Variants in PTPRT observed in about 807,000 individuals in gnomAD.
PTPRT encodes receptor-type tyrosine-protein phosphatase T.
In PTPRT, 56 loss-of-function variants were observed where a neutral mutation model predicts 176.8. That is an observed-to-expected ratio of 0.32 (90% CI 0.26 to 0.40). The LOEUF (loss-of-function observed/expected upper bound fraction) is 0.40. Ranked by LOEUF, PTPRT falls within the 10% of genes least tolerant of loss-of-function variation. PTPRT has a pLI of 1.00. For synonymous variants in PTPRT, 783 were observed against 739.0 expected (o/e 1.06, Z -0.96); for missense variants, 1,540 against 1,908.2 (o/e 0.81, Z 3.60).
At position 42,762,146 on chromosome 20, in the gene PTPRT, C is replaced by T. The variant is rs374634744; in HGVS notation, c.685-5510G>A. 4.2e-4 allele frequency among the ~76,000 whole-genome samples: 64 copies of T among 152,258 alleles called. 3 individuals carry two copies. The highest frequency in any genetic ancestry group is 2.9e-3 in the East Asian group (15 of 5,180). On this transcript the variant is annotated intron_variant, in intron 5 of 30. Coordinates refer to ENST00000373187, the MANE Select transcript of PTPRT (RefSeq NM_007050.6). The stretch of plus-strand genomic sequence containing the variant: ...ATGTAAGAAGGAACAGAGTATCTTC[C>T]TATATTCTTGGCCATCAGATTCTTT...
intron 1 of PTPRT, among the ~76,000 whole-genome samples, chr20:42,947,856 C>T (rs538719643): frequency 8.7e-4 from 133 of 152,244 alleles, no homozygotes; most frequent in Non-Finnish European, 1.6e-3. Context: ...AATCTAATGA[C>T]CACTCCTTCA....
At chr20:42,062,064 A>T in the PTPRT span, among the ~76,000 whole-genome samples, 1 of 152,142 alleles carries the variant, frequency 6.6e-6, no homozygotes, top group Non-Finnish European at 1.5e-5. Flanking sequence ...GATGATGTTG[A>T]TATCCCCTAC....
chr20:42,714,048 C>T (rs949283157), intron 6 of PTPRT, among the ~76,000 whole-genome samples: 1 of 152,166 alleles, frequency 6.6e-6, no homozygotes, highest in Non-Finnish European at 1.5e-5. Flanking sequence ...TAAGACAACA[C>T]GGAAAGAAGT....
intron 16 of PTPRT, among the ~76,000 whole-genome samples, chr20:42,166,376 T>C (rs1989825146): frequency 6.6e-6 from 1 of 152,336 alleles, no homozygotes; most frequent in African/African-American, 2.4e-5. Flanking sequence ...ATGTGCCTAC[T>C]GGTGCTGAGG....
chr20:42,498,046 T>C (rs913679732), intron 7 of PTPRT, among the ~76,000 whole-genome samples: 2 of 152,166 alleles, frequency 1.3e-5, no homozygotes, highest in African/African-American at 4.8e-5. Flanking sequence ...GCATCACTAG[T>C]GGTACTTTGT....
At chr20:42,223,288 T>C (rs1241653653) in intron 15 of PTPRT, among the ~76,000 whole-genome samples, 2 of 152,242 alleles carry the variant, frequency 1.3e-5, no homozygotes, top group African/African-American at 2.4e-5. Context: ...TATCTTATGC[T>C]GTCCTGGTAA....
At chr20:42,940,463 C>T (rs980455980) in intron 1 of PTPRT, among the ~76,000 whole-genome samples, 1 of 152,016 alleles carries the variant, frequency 6.6e-6, no homozygotes, top group African/African-American at 2.4e-5. Flanking sequence ...AGAAAAGCAA[C>T]ATGAAAGGGT....
At chr20:42,993,694 C>T (rs908529518) in intron 1 of PTPRT, among the ~76,000 whole-genome samples, 1 of 151,698 alleles carries the variant, frequency 6.6e-6, no homozygotes, top group African/African-American at 2.4e-5. Flanking sequence ...TGCTCACACA[C>T]TCCTTGGACC....
At chr20:42,816,022 GA>G (rs1424497986) in intron 2 of PTPRT, among the ~76,000 whole-genome samples, 6 of 152,028 alleles carry the variant, frequency 3.9e-5, no homozygotes, top group African/African-American at 1.2e-4. Flanking sequence ...GAGTCTGGAG[GA>G]AACTTTCAGG....
intron 9 of PTPRT, among the ~76,000 whole-genome samples, chr20:42,387,189 T>A (rs868194938): frequency 2.4e-4 from 37 of 152,348 alleles, no homozygotes; most frequent in African/African-American, 8.4e-4. Context: ...GCGGTACCTA[T>A]AAATATCATT....
chr20:42,621,282 C>G (rs926141467), intron 7 of PTPRT, among the ~76,000 whole-genome samples: 6 of 152,218 alleles, frequency 3.9e-5, no homozygotes, highest in Non-Finnish European at 7.3e-5. Context: ...TCTTCAACCT[C>G]CCCATCTCCA....
chr20:42,871,702 T>C (rs1424655971), intron 2 of PTPRT, among the ~76,000 whole-genome samples: 1 of 152,174 alleles, frequency 6.6e-6, no homozygotes, highest in Non-Finnish European at 1.5e-5. Flanking sequence ...TTCAATTTAC[T>C]AAATGCCATT....
intron 6 of PTPRT, among the ~76,000 whole-genome samples, chr20:42,713,271 T>C (rs1331271624): frequency 6.6e-6 from 1 of 152,160 alleles, no homozygotes; most frequent in Non-Finnish European, 1.5e-5. Flanking sequence ...TTTTTCTTTC[T>C]TTTGATTTTT....
intron 2 of PTPRT, among the ~76,000 whole-genome samples, chr20:42,802,233 G>T (rs964016625): frequency 6.6e-6 from 1 of 152,174 alleles, no homozygotes; most frequent in African/African-American, 2.4e-5. Flanking sequence ...TGGACTAGCT[G>T]GTCTCTAATT....
At chr20:42,690,692 A>G (rs1569087100) in intron 6 of PTPRT, among the ~76,000 whole-genome samples, 1 of 152,204 alleles carries the variant, frequency 6.6e-6, no homozygotes, top group Admixed American at 6.5e-5. Flanking sequence ...GCATTTTCAT[A>G]TTCACTTTCA....
intron 11 of PTPRT, among the ~76,000 whole-genome samples, chr20:42,340,344 T>C (rs1443229507): frequency 6.6e-6 from 1 of 152,234 alleles, no homozygotes; most frequent in Non-Finnish European, 1.5e-5. Context: ...AAATTCTTCG[T>C]AAGCCTATAC....
intron 7 of PTPRT, among the ~76,000 whole-genome samples, chr20:42,540,156 AGGGAATT>A (rs565882367): frequency 1.3e-4 from 20 of 152,192 alleles, no homozygotes; most frequent in Non-Finnish European, 2.6e-4. Flanking sequence ...AAGTTTGGAC[AGGGAATT>A]GGGAAAAATT....
chr20:42,648,820 G>T (rs373013712), intron 7 of PTPRT, among the ~76,000 whole-genome samples: 28 of 111,826 alleles, frequency 2.5e-4, no homozygotes, highest in African/African-American at 9.7e-4. Flanking sequence ...TGGTGTCGTT[G>T]TTTTTTTTTT....
intron 1 of PTPRT, among the ~76,000 whole-genome samples, chr20:42,935,634 T>C (rs184220170): frequency 1.1e-3 from 168 of 152,330 alleles, no homozygotes; most frequent in East Asian, 5.8e-4. Flanking sequence ...ATCTGGGATA[T>C]TCATTCATTC....
Sources: allele counts gnomAD v4.1 joint callset (sites outside exome capture counted in the v4.1 genomes callset), GRCh38; gene constraint gnomAD v4.1.1; transcripts MANE v1.5; gene names NCBI Gene and HGNC (gene_info 2026-07-23, HGNC 2026-07-21).